The following ZNF727 variants were observed in gnomAD, a reference collection of about 807,000 sequenced individuals.
The protein encoded by ZNF727 is zinc finger protein 727, also known as putative zinc finger protein 727.
A neutral mutation model predicts 11.5 loss-of-function variants in ZNF727; 11 were observed. The ratio of observed to expected loss-of-function variants is 0.95; its 90% CI spans 0.60 to 1.58. The LOEUF is 1.58. ZNF727 is among the 40% of genes most tolerant of loss of function. The probability of loss-of-function intolerance (pLI) is 0.00; values close to 1 mark genes in which losing one functional copy is unlikely to be tolerated. For missense variants in ZNF727, 533 were observed against 581.7 expected (o/e 0.92, Z 0.86); for synonymous variants, 171 against 196.1 (o/e 0.87, Z 1.07).
At chr7:64,060,765 T>TA (rs1789757254) in intron 1 of ZNF727, among the ~76,000 whole-genome samples, 1 of 152,194 alleles carries the variant, frequency 6.6e-6, no homozygotes, top group South Asian at 2.1e-4. Context: ...TTTCTAGTTC[T>TA]ATATGATACA....
chr7:64,078,156 A>G lies in ZNF727; in HGVS notation c.1107A>G (p.Lys369=). ...TTCATATGGAATTGAGACCTTACAA[A>G]TGTGAAGAATGTGGCAAAACCTTTA... ...KRIHMELRPY[K]CEECGKTFKW... Residue 369 remains lysine, a synonymous_variant, in exon 4 of 4, where the codon AAA becomes AAG. Coordinates refer to ENST00000456806, the MANE Select transcript of ZNF727 (RefSeq NM_001159522.3). The G allele has an allele frequency of 6.3e-7, 1 of 1,595,892 alleles. No homozygotes were observed. Among genetic ancestry groups the G allele is most frequent in the East Asian group, 2.3e-5 (1 of 43,672 alleles).
rs573224002 is a variant in ZNF727, at chr7:64,083,970, A to C, written c.*5421A>C. On this transcript the variant is annotated 3_prime_UTR_variant, in exon 4 of 4. Coordinates refer to ENST00000456806, the MANE Select transcript of ZNF727 (RefSeq NM_001159522.3). The stretch of plus-strand genomic sequence containing the variant: ...CAAAGGCAAATATTGATGTAATTTA[A>C]CTCTTACATTTGATGCTATGTCTTC... Among the ~76,000 whole-genome samples, 1 of 152,052 alleles carries C rather than the reference A, an allele frequency of 6.6e-6. No homozygotes were observed. The highest frequency in any genetic ancestry group is 6.6e-5 in the Admixed American group (1 of 15,258).
In ZNF727 at chr7:64,077,750, G is replaced by A. The variant is rs1222695241; in HGVS notation, c.701G>A (p.Gly234Asp). ...AAACCCTACAAATGTGAAGAATGTG[G>A]CAAAACATTTACCTGTTCCTCAGCC... Reference protein sequence around the residue: ...GKKPYKCEECGKTFTCSSALT... With the variant: ...GKKPYKCEECDKTFTCSSALT... Residue 234 changes from glycine to aspartate, a missense_variant, in exon 4 of 4, where the codon GGC (glycine) becomes GAC (aspartate). Gly to Asp is a moderately conservative substitution (Grantham distance 94). Around this residue, in one of 3 missense-constraint regions of ZNF727, gnomAD observed 463 missense variants for 494.5 expected, o/e 0.94. Transcript: ENST00000456806. The A allele has an allele frequency of 3.8e-6, 6 of 1,583,726 alleles. No individual in the cohort carries two copies. Among genetic ancestry groups the A allele is most frequent in the Non-Finnish European group, 5.2e-6 (6 of 1,164,480 alleles).
chr7:64,078,489 A>T lies in ZNF727; in HGVS notation c.1440A>T (p.Thr480=), dbSNP rs1785729441. The change falls in exon 4 of 4, where the codon ACA becomes ACT. Residue 480 remains threonine, a synonymous_variant. Coordinates refer to ENST00000456806, the MANE Select transcript of ZNF727 (RefSeq NM_001159522.3). The part of the protein sequence containing the change: ...HKRSHTGDRP[T]SAKNVAKPLG... Reference sequence around the variant, plus strand: ...GAAGTCATACTGGAGACAGACCTACAAGTGCAAAGAATGTGGCAAAGCCTT... The same window carrying T: ...GAAGTCATACTGGAGACAGACCTACTAGTGCAAAGAATGTGGCAAAGCCTT... 6.4e-7 allele frequency: 1 copy of T among 1,564,628 alleles called. No individual in the cohort carries two copies.
At chr7:64,066,261 T>A (rs1308707925) in intron 1 of ZNF727, among the ~76,000 whole-genome samples, 1 of 152,162 alleles carries the variant, frequency 6.6e-6, no homozygotes, top group Non-Finnish European at 1.5e-5. Flanking sequence ...GCTATTCCCG[T>A]CAAGTTACCA....
intron 3 of ZNF727, among the ~76,000 whole-genome samples, chr7:64,072,417 G>A (rs1377069231): frequency 6.6e-6 from 1 of 152,154 alleles, no homozygotes; most frequent in Non-Finnish European, 1.5e-5. Context: ...GAGTTCTGCA[G>A]TAGGTTTGGC....
At chr7:64,063,895 C>A (rs150016370) in intron 1 of ZNF727, among the ~76,000 whole-genome samples, 4,002 of 152,166 alleles carry the variant, frequency 0.026, 74 homozygotes, top group Admixed American at 0.054. Flanking sequence ...AAGCCATTCC[C>A]CATTGTCACC....
At position 64,084,313 on chromosome 7, in the gene ZNF727, A is replaced by G. The variant is rs1167181996; in HGVS notation, c.*5764A>G. 1.3e-5 allele frequency among the ~76,000 whole-genome samples: 2 copies of G among 152,244 alleles called. No homozygotes were observed. The highest frequency in any genetic ancestry group is 6.5e-5 in the Admixed American group (1 of 15,288). The stretch of plus-strand genomic sequence containing the variant: ...GGTAATTAAAATACAGTGAGTTTCA[A>G]AATGCCTTTTTAATGACAATGTATG... On this transcript the variant is annotated 3_prime_UTR_variant, in exon 4 of 4. Coordinates refer to ENST00000456806, the MANE Select transcript of ZNF727 (RefSeq NM_001159522.3).
intron 1 of ZNF727, among the ~76,000 whole-genome samples, chr7:64,051,299 T>C (rs1047574403): frequency 3.3e-5 from 5 of 152,094 alleles, no homozygotes; most frequent in African/African-American, 9.7e-5. Flanking sequence ...ACAAAAAAAA[T>C]TGTAGCTCTG....
rs1278183356 is a variant in ZNF727 at position 64,081,189 on chromosome 7, CTG to C, written c.*2645_*2646del. On this transcript the variant is annotated 3_prime_UTR_variant, in exon 4 of 4. Transcript: ENST00000456806. ...GGGAGTGGGGGTTACCTGCTGGAGA[CTG>C]TGTGCTATTTCACTAAAGGTGGTGT... is the stretch of plus-strand genomic sequence containing the variant. Among the ~76,000 whole-genome samples the C allele has an allele frequency of 1.3e-5, 2 of 152,014 alleles. No individual in the cohort carries two copies. The highest frequency in any genetic ancestry group is 4.8e-5 in the African/African-American group (2 of 41,408).
At chr7:64,057,730 A>T (rs1161681907) in intron 1 of ZNF727, among the ~76,000 whole-genome samples, 1 of 134,120 alleles carries the variant, frequency 7.5e-6, no homozygotes, top group Non-Finnish European at 1.7e-5. Flanking sequence ...TTAAAAAAGT[A>T]AAAAAAAAAA....
chr7:64,067,601 T>C (rs1361765375), intron 1 of ZNF727, among the ~76,000 whole-genome samples: 1 of 152,084 alleles, frequency 6.6e-6, no homozygotes, highest in Non-Finnish European at 1.5e-5. Flanking sequence ...TATGGATGAA[T>C]CTGGAAACCA....
chr7:64,077,296 G>A lies in ZNF727; in HGVS notation c.247G>A (p.Ala83Thr), dbSNP rs61739726. 2.6e-3 allele frequency: 3,954 copies of A among 1,526,378 alleles called. 80 individuals are homozygous for A. In the African/African-American group the frequency reaches 0.041, roughly 16 times the overall value. 94.6% of individuals were successfully genotyped at this position (1,526,378 alleles called of 1,614,324 possible). Residue 83 changes from alanine to threonine, a missense_variant, in exon 4 of 4, where the codon GCA (alanine) becomes ACA (threonine). By Grantham distance (58) the Ala-to-Thr change is moderately conservative. Transcript: ENST00000456806. Reference sequence around the variant, plus strand: ...TTCAGCTGGCTCTTTGCATTTTACTGCAGAGATATTGCTGGAGCACGACAT... The same window carrying A: ...TTCAGCTGGCTCTTTGCATTTTACTACAGAGATATTGCTGGAGCACGACAT... ...KHPAGSLHFT[A>T]EILLEHDIND... is the part of the protein sequence containing the mutation.
At position 64,083,866 on chromosome 7, in the gene ZNF727, A is replaced by G. The variant is rs1312061572; in HGVS notation, c.*5317A>G. On this transcript the variant is annotated 3_prime_UTR_variant, in exon 4 of 4. Transcript: ENST00000456806. Reference sequence around the variant, plus strand: ...TGTTTCAGTTGAAGGTGCTGTATCTATGCACACCTTGCATTCTTCTCTGTG... The same window carrying G: ...TGTTTCAGTTGAAGGTGCTGTATCTGTGCACACCTTGCATTCTTCTCTGTG... 6.6e-6 allele frequency among the ~76,000 whole-genome samples: 1 copy of G among 152,136 alleles called. No homozygotes were observed. Among genetic ancestry groups the G allele is most frequent in the Non-Finnish European group, 1.5e-5 (1 of 68,024 alleles).
At position 64,077,638 on chromosome 7, in the gene ZNF727, G is replaced by T. The variant is rs771260170; in HGVS notation, c.589G>T (p.Asp197Tyr). 5.9e-5 allele frequency: 92 copies of T among 1,553,280 alleles called. No homozygotes were observed. Among genetic ancestry groups the T allele is most frequent in the Non-Finnish European group, 5.7e-5 (65 of 1,148,096 alleles). ...CATACAGAAGAGAATTCATACTGCA[G>T]ATAGAAGTTACAAATGTGAAGAATG... ...FTIQKRIHTA[D>Y]RSYKCEECGK... Residue 197 changes from aspartate to tyrosine, a missense_variant, in exon 4 of 4, where the codon GAT becomes TAT. Coordinates refer to ENST00000456806, the MANE Select transcript of ZNF727 (RefSeq NM_001159522.3).
rs111786291 is a variant in ZNF727, at chr7:64,069,834, C to T, written c.226+225C>T. Among the ~76,000 whole-genome samples the T allele has an allele frequency of 6.3e-3, 956 of 152,030 alleles. 4 individuals carry two copies. Among genetic ancestry groups the T allele is most frequent in the Middle Eastern group, 0.01 (3 of 294 alleles). ...TCAGTAATGTGTGTTGTTGTTGCTG[C>T]TGTTGTTGTTTTTTTTGTTTTTTGT... On this transcript the variant is annotated intron_variant, in intron 3 of 3. Coordinates refer to ENST00000456806, the MANE Select transcript of ZNF727 (RefSeq NM_001159522.3).
chr7:64,045,718 C>A, intron 1 of ZNF727, 94 bp downstream of exon 1: 1 of 1,504,712 alleles, frequency 6.6e-7, no homozygotes, highest in Non-Finnish European at 9.0e-7. Flanking sequence ...TCGCGGTCAG[C>A]TCTGCAGCAG....
intron 1 of ZNF727, among the ~76,000 whole-genome samples, chr7:64,048,505 C>T (rs1442640902): frequency 1.3e-5 from 2 of 152,124 alleles, no homozygotes; most frequent in South Asian, 2.1e-4. Context: ...GTTTCTGTCT[C>T]GTGCAGAGTG....
At chr7:64,045,684 A>C in intron 1 of ZNF727, 60 bp downstream of exon 1, 1 of 1,551,436 alleles carries the variant, frequency 6.4e-7, no homozygotes, top group Non-Finnish European at 8.7e-7. Context: ...TCCGGTCGGA[A>C]CTGGCTGCGG....
Sources: allele counts gnomAD v4.1 joint callset (sites outside exome capture counted in the v4.1 genomes callset), GRCh38; gene constraint gnomAD v4.1.1; regional missense constraint gnomAD v4.1.1; transcripts MANE v1.5; gene names NCBI Gene and HGNC (gene_info 2026-07-23, HGNC 2026-07-21).